The following ADAMTSL1 variants were observed in gnomAD, a reference collection of about 807,000 sequenced individuals.
ADAMTSL1 encodes the protein ADAMTS-like protein 1.
ADAMTSL1 carries 126 observed loss-of-function variants against 201.8 expected under a neutral mutation model. The observed-to-expected ratio is 0.62, with a 90% CI of 0.54 to 0.72. The LOEUF (loss-of-function observed/expected upper bound fraction) is 0.72, where lower values mean the gene tolerates loss of function less well. ADAMTSL1 is among the 30% of genes least tolerant of loss of function. ADAMTSL1 has a pLI of 0.00. For synonymous variants in ADAMTSL1, 1,121 were observed against 903.4 expected, an observed-to-expected ratio of 1.24 and a Z score of -4.32; for missense variants, 2,679 against 2,277.8, an observed-to-expected ratio of 1.18 and a Z score of -3.59.
chr9:17,946,509 A>G (rs1317062824), intron 1 of ADAMTSL1, among the ~76,000 whole-genome samples: 5 of 152,110 alleles, frequency 3.3e-5, no homozygotes, highest in Non-Finnish European at 7.4e-5. Flanking sequence ...AGATCTCTTT[A>G]TGATCTTTTT....
At chr9:18,141,010 C>T (rs1331084) in intron 1 of ADAMTSL1, among the ~76,000 whole-genome samples, 2,921 of 152,212 alleles carry the variant, frequency 0.019, 95 homozygotes, top group African/African-American at 0.067. Context: ...AGAATGGTTT[C>T]TTATTTATAT....
intron 7 of ADAMTSL1, among the ~76,000 whole-genome samples, chr9:18,644,599 C>G (rs987879768): frequency 1.3e-5 from 2 of 150,726 alleles, no homozygotes; most frequent in Admixed American, 6.6e-5. Flanking sequence ...CATGTGTTCT[C>G]ATTGTTCAAT....
intron 13 of ADAMTSL1, among the ~76,000 whole-genome samples, chr9:18,697,095 G>A (rs1032573078): frequency 4.0e-5 from 6 of 151,748 alleles, no homozygotes; most frequent in East Asian, 1.9e-4. Context: ...TGTTGGCCAG[G>A]ATGGTCTTCA....
intron 1 of ADAMTSL1, among the ~76,000 whole-genome samples, chr9:17,987,371 A>G (rs577926285): frequency 2.0e-5 from 3 of 152,232 alleles, no homozygotes; most frequent in Admixed American, 6.5e-5. Context: ...ATCAGCAACA[A>G]AAGGTTGCTA....
At chr9:18,663,908 A>G (rs1465902841) in intron 9 of ADAMTSL1, among the ~76,000 whole-genome samples, 1 of 152,154 alleles carries the variant, frequency 6.6e-6, no homozygotes, top group Non-Finnish European at 1.5e-5. Context: ...GCAAAAGGCC[A>G]TTCTGCAGTG....
chr9:18,671,093 A>T (rs1055149295), intron 9 of ADAMTSL1, among the ~76,000 whole-genome samples: 1 of 152,206 alleles, frequency 6.6e-6, no homozygotes. Flanking sequence ...TTCATTACAG[A>T]CGCAACTATC....
chr9:18,478,306 G>A (rs1821560823), intron 1 of ADAMTSL1, among the ~76,000 whole-genome samples: 1 of 152,016 alleles, frequency 6.6e-6, no homozygotes, highest in Non-Finnish European at 1.5e-5. Flanking sequence ...CATGAGACAT[G>A]GTCTGGTGTT....
intron 3 of ADAMTSL1, among the ~76,000 whole-genome samples, chr9:18,556,173 C>T (rs936441894): frequency 2.0e-5 from 3 of 151,848 alleles, no homozygotes; most frequent in African/African-American, 7.3e-5. Flanking sequence ...TTGCCTCTGT[C>T]CAGAAGTAAT....
chr9:18,240,655 A>C (rs975835857), intron 2 of ADAMTSL1, among the ~76,000 whole-genome samples: 1 of 152,182 alleles, frequency 6.6e-6, no homozygotes, highest in Non-Finnish European at 1.5e-5. Flanking sequence ...ATATCATTGA[A>C]TATAAGATGC....
At chr9:18,908,390 T>C (rs1459575155) in intron 28 of ADAMTSL1, 52 bp from the exon 29 acceptor site, 4 of 1,460,004 alleles carry the variant, frequency 2.7e-6, no homozygotes, top group Non-Finnish European at 3.8e-6. Flanking sequence ...CATTAGTCTC[T>C]GTTTCACATC....
intron 2 of ADAMTSL1, among the ~76,000 whole-genome samples, chr9:18,327,759 A>G (rs1834883615): frequency 6.6e-6 from 1 of 152,232 alleles, no homozygotes; most frequent in African/African-American, 2.4e-5. Flanking sequence ...TGAAAGCTTA[A>G]AGAGTTATAC....
chr9:18,074,561 C>T (rs1431668056), intron 1 of ADAMTSL1, among the ~76,000 whole-genome samples: 9 of 131,248 alleles, frequency 6.9e-5, no homozygotes, highest in African/African-American at 2.3e-4. Context: ...CTTCTCTTTT[C>T]TTTTTTTTTT....
chr9:17,913,444 T>C (rs1305247105), intron 1 of ADAMTSL1, among the ~76,000 whole-genome samples: 3 of 152,182 alleles, frequency 2.0e-5, no homozygotes, highest in African/African-American at 7.2e-5. Context: ...AGGTATTTTA[T>C]TCTCCTTGAA....
chr9:18,697,696 C>T (rs1002391380), intron 13 of ADAMTSL1, among the ~76,000 whole-genome samples: 3 of 152,102 alleles, frequency 2.0e-5, no homozygotes, highest in Non-Finnish European at 4.4e-5. Context: ...TTAGAGAATT[C>T]GGCAATCAGT....
rs200151336 is a variant in ADAMTSL1, at chr9:18,770,715, T to G, written c.2331T>G (p.Pro777=). 1 of 1,613,880 alleles carries G rather than the reference T, an allele frequency of 6.2e-7. No individual in the cohort carries two copies. Among genetic ancestry groups the G allele is most frequent in the East Asian group, 2.2e-5 (1 of 44,878 alleles). The stretch of plus-strand genomic sequence containing the variant: ...AGACCTTCTGTTCAGCTTCAAAACC[T>G]GCCTGCCAGCAAGCATGCAAGAAAG... ...LPETFCSASK[P]ACQQACKKDD... is the part of the protein sequence containing the mutation. Residue 777 remains proline (P), a synonymous_variant, in exon 17 of 29, where the codon CCT becomes CCG. Transcript: ENST00000380548.
At chr9:18,674,173 T>A (rs1311004432) in intron 9 of ADAMTSL1, among the ~76,000 whole-genome samples, 1 of 149,546 alleles carries the variant, frequency 6.7e-6, no homozygotes, top group Non-Finnish European at 1.5e-5. Flanking sequence ...TTATACATTG[T>A]TACTGAAGGT....
chr9:18,012,514 G>A (rs185064335), intron 1 of ADAMTSL1, among the ~76,000 whole-genome samples: 126 of 152,176 alleles, frequency 8.3e-4, no homozygotes, highest in Admixed American at 3.1e-3. Context: ...CCGGGGCTGG[G>A]CTTGTGCTGG....
intron 23 of ADAMTSL1, among the ~76,000 whole-genome samples, chr9:18,860,327 G>A (rs1175899293): frequency 2.0e-5 from 3 of 152,170 alleles, no homozygotes; most frequent in Non-Finnish European, 2.9e-5. Flanking sequence ...TCGACCAGGG[G>A]TTGGTCCTGA....
Position 18,622,275 on chromosome 9 carries a change from C to T in ADAMTSL1, c.507C>T (p.Thr169=), listed in dbSNP as rs748238466. ...GCTGCGATCACCAGCTGGGAAGCAC[C>T]GTCAAGGAAGATAACTGTGGGGTCT... ...IVGCDHQLGS[T]VKEDNCGVCN... The change falls in exon 5 of 29, where the codon ACC becomes ACT. Residue 169 remains threonine, a synonymous_variant. Coordinates refer to ENST00000380548, the MANE Select transcript of ADAMTSL1 (RefSeq NM_001040272.6). The T allele has an allele frequency of 1.4e-5, 22 of 1,613,802 alleles. No individual in the cohort carries two copies. Among genetic ancestry groups the T allele is most frequent in the African/African-American group, 2.7e-5 (2 of 74,900 alleles).
Sources: allele counts gnomAD v4.1 joint callset (sites outside exome capture counted in the v4.1 genomes callset), GRCh38; gene constraint gnomAD v4.1.1; transcripts MANE v1.5; gene names NCBI Gene and HGNC (gene_info 2026-07-23, HGNC 2026-07-21).